Variants in RPTOR observed in about 807,000 individuals in gnomAD.
RPTOR encodes regulatory-associated protein of mTOR.
A neutral mutation model predicts 169.9 loss-of-function variants in RPTOR; 21 were observed. The ratio of observed to expected loss-of-function variants is 0.12; its 90% CI spans 0.09 to 0.18. RPTOR has a LOEUF of 0.18. RPTOR is among the 10% of genes least tolerant of loss of function. The probability of loss-of-function intolerance (pLI) is 1.00; values close to 1 mark genes in which losing one functional copy is unlikely to be tolerated. For synonymous variants in RPTOR, 732 were observed against 753.2 expected (o/e 0.97, Z 0.46); for missense variants, 1,133 against 1,855.9 (o/e 0.61, Z 7.16).
chr17:80,960,163 G>A lies in RPTOR; in HGVS notation c.3563G>A (p.Gly1188Asp), dbSNP rs2144097184. The change falls in exon 30 of 34, where the codon GGC (glycine) becomes GAC (aspartate). Residue 1188 changes from glycine (G) to aspartate (D), a missense_variant. Around this residue, in one of 9 missense-constraint regions of RPTOR, gnomAD observed 410 missense variants for 623.7 expected, o/e 0.66. Coordinates refer to ENST00000306801, the MANE Select transcript of RPTOR (RefSeq NM_020761.3). The surrounding 1 kb of genome is among the most constrained non-coding windows in gnomAD (Gnocchi z 4.8). Reference sequence around the variant, plus strand: ...CTCATCGTGGCTGGCCTCGGTGACGGCTCCATCCGCGTCTACGACAGAAGG... The same window carrying A: ...CTCATCGTGGCTGGCCTCGGTGACGACTCCATCCGCGTCTACGACAGAAGG... ...RSLIVAGLGD[G>D]SIRVYDRRMA... is the part of the protein sequence containing the mutation. The A allele has an allele frequency of 6.2e-7, 1 of 1,613,542 alleles. No homozygotes were observed. The highest frequency in any genetic ancestry group is 1.6e-4 in the Middle Eastern group (1 of 6,062).
At chr17:80,752,370 G>C (rs926435344) in intron 5 of RPTOR, among the ~76,000 whole-genome samples, 1 of 152,212 alleles carries the variant, frequency 6.6e-6, no homozygotes, top group African/African-American at 2.4e-5. Flanking sequence ...CTGCATCCCC[G>C]GAAGGGAGGC....
intron 3 of RPTOR, among the ~76,000 whole-genome samples, chr17:80,694,812 C>T (rs2066022751): frequency 6.6e-6 from 1 of 152,196 alleles, no homozygotes. Context: ...TTCACTGCCT[C>T]TTGAAGACAG....
At chr17:80,611,324 C>T (rs190212324) in intron 1 of RPTOR, among the ~76,000 whole-genome samples, 101 of 152,204 alleles carry the variant, frequency 6.6e-4, no homozygotes, top group Middle Eastern at 3.4e-3. Flanking sequence ...TGCCGTGATG[C>T]GATCTTTGCT....
chr17:80,927,316 C>G (rs555497061), intron 24 of RPTOR, among the ~76,000 whole-genome samples: 1 of 152,232 alleles, frequency 6.6e-6, no homozygotes, highest in South Asian at 2.1e-4. Context: ...AAGAAACCCA[C>G]ATGGTCTGGT....
At chr17:80,779,400 C>T (rs2066918594) in intron 6 of RPTOR, among the ~76,000 whole-genome samples, 1 of 152,184 alleles carries the variant, frequency 6.6e-6, no homozygotes, top group Non-Finnish European at 1.5e-5. Context: ...TCTGGGAGAA[C>T]CGAAGAGAGA....
In RPTOR at chr17:80,872,002, A is replaced by G. The variant is rs138671234; in HGVS notation, c.1510-8413A>G. Among the ~76,000 whole-genome samples the G allele has an allele frequency of 2.5e-3, 385 of 152,244 alleles. 1 individual carries two copies. The highest frequency in any genetic ancestry group is 8.9e-3 in the African/African-American group (369 of 41,542). On this transcript the variant is annotated intron_variant, in intron 13 of 33. Coordinates refer to ENST00000306801, the MANE Select transcript of RPTOR (RefSeq NM_020761.3). ...CCCAGGAACGGCAAAAATGTCACCTAGCGTTCCCCCTGCTCATCTAACATA... is the reference window on the plus strand; with the variant it reads ...CCCAGGAACGGCAAAAATGTCACCTGGCGTTCCCCCTGCTCATCTAACATA...
At chr17:80,765,999 T>G (rs2066783215) in intron 6 of RPTOR, among the ~76,000 whole-genome samples, 1 of 152,206 alleles carries the variant, frequency 6.6e-6, no homozygotes, top group South Asian at 2.1e-4. Flanking sequence ...TGTGAACATT[T>G]GTAATTATCT....
chr17:80,866,934 A>G (rs2067999225), intron 13 of RPTOR, among the ~76,000 whole-genome samples: 1 of 152,208 alleles, frequency 6.6e-6, no homozygotes, highest in South Asian at 2.1e-4. Context: ...GCAGGTCCAG[A>G]TGACTTCGCC....
chr17:80,831,867 CCG>C (rs2067509574), intron 9 of RPTOR, among the ~76,000 whole-genome samples: 1 of 152,208 alleles, frequency 6.6e-6, no homozygotes, highest in African/African-American at 2.4e-5. Flanking sequence ...CTGTATGTCA[CCG>C]TGTATCCCTG....
rs748393101 is a variant in RPTOR, at chr17:80,846,550, C to T, written c.1290C>T (p.Pro430=). 1.9e-5 allele frequency: 30 copies of T among 1,614,224 alleles called. No homozygotes were observed. In the East Asian group the frequency reaches 2.0e-4, roughly 11 times the overall value. ...LTMGVENRNP[P]EQLPIVLQVL... ...TGGGCGTGGAGAACCGAAACCCACC[C>T]GAACAGCTGCCCATCGTCCTGCAGG... is the stretch of plus-strand genomic sequence containing the variant. The change falls in exon 11 of 34, where the codon CCC becomes CCT. Residue 430 remains proline, a synonymous_variant. Transcript: ENST00000306801.
chr17:80,722,902 T>C (rs988398001), intron 4 of RPTOR, among the ~76,000 whole-genome samples: 1 of 151,316 alleles, frequency 6.6e-6, no homozygotes. Context: ...CCCACCCACA[T>C]TGGCTGCCTT....
intron 3 of RPTOR, among the ~76,000 whole-genome samples, chr17:80,678,628 A>G (rs1173110725): frequency 6.6e-6 from 1 of 152,262 alleles, no homozygotes; most frequent in Non-Finnish European, 1.5e-5. Flanking sequence ...ATGCCTGTTT[A>G]TACTTGAGCC....
intron 7 of RPTOR, among the ~76,000 whole-genome samples, chr17:80,814,727 C>T (rs549922548): frequency 8.7e-4 from 132 of 152,264 alleles, no homozygotes; most frequent in Admixed American, 2.6e-4. Context: ...CGCTAAGCAT[C>T]GTAACAGCAA....
At chr17:80,825,064 A>T (rs1422825406) in intron 9 of RPTOR, among the ~76,000 whole-genome samples, 8 of 149,436 alleles carry the variant, frequency 5.4e-5, no homozygotes, top group Non-Finnish European at 8.9e-5. Flanking sequence ...GGGCAGCCAC[A>T]TCCCACCTCT....
At chr17:80,920,651 G>T (rs1051772666) in intron 21 of RPTOR, among the ~76,000 whole-genome samples, 1 of 152,242 alleles carries the variant, frequency 6.6e-6, no homozygotes, top group Non-Finnish European at 1.5e-5. Flanking sequence ...GCGGCTCAGC[G>T]TGACGTCCCA....
chr17:80,853,795 A>AAG (rs1555627246), intron 11 of RPTOR, among the ~76,000 whole-genome samples: 1 of 152,190 alleles, frequency 6.6e-6, no homozygotes, highest in Non-Finnish European at 1.5e-5. Context: ...TGCCTAATGC[A>AAG]GTGAAACCCC....
chr17:80,757,442 C>T (rs185174528), intron 6 of RPTOR, among the ~76,000 whole-genome samples: 1 of 152,138 alleles, frequency 6.6e-6, no homozygotes, highest in Non-Finnish European at 1.5e-5. Context: ...TTTTCACGTA[C>T]CAGTTTATGA....
chr17:80,592,095 T>C (rs997580599), intron 1 of RPTOR, among the ~76,000 whole-genome samples: 2 of 152,210 alleles, frequency 1.3e-5, no homozygotes, highest in African/African-American at 4.8e-5. Flanking sequence ...GCAGCTTTGC[T>C]TTTTCCCACT....
rs190594692 is a variant in RPTOR at position 80,835,798 on chromosome 17, T to C, written c.1137-2124T>C. Among the ~76,000 whole-genome samples, 321 of 152,298 alleles carry C rather than the reference T, an allele frequency of 2.1e-3. 3 individuals are homozygous for C. The highest frequency in any genetic ancestry group is 7.4e-3 in the African/African-American group (306 of 41,562). ...GCAAATATTCCAAAACCTGAAAATA[T>C]CGGAAACCCAAAACACTTCCGGTCC... On this transcript the variant is annotated intron_variant, in intron 9 of 33. Coordinates refer to ENST00000306801, the MANE Select transcript of RPTOR (RefSeq NM_020761.3).
Sources: allele counts gnomAD v4.1 joint callset (sites outside exome capture counted in the v4.1 genomes callset), GRCh38; gene constraint gnomAD v4.1.1; regional missense constraint gnomAD v4.1.1; non-coding constraint Gnocchi (gnomAD v3.1); transcripts MANE v1.5; gene names NCBI Gene and HGNC (gene_info 2026-07-23, HGNC 2026-07-21).